DMGDH: variants seen among roughly 807,000 people sequenced by gnomAD.
DMGDH encodes the protein dimethylglycine dehydrogenase, mitochondrial.
In DMGDH, 76 loss-of-function variants were observed where a neutral mutation model predicts 95.2. The ratio of observed to expected loss-of-function variants is 0.80; its 90% confidence interval spans 0.66 to 0.97. The LOEUF is 0.97. Ranked by LOEUF, DMGDH falls within the 50% of genes least tolerant of loss-of-function variation. DMGDH has a pLI of 0.00. For synonymous variants in DMGDH, 345 were observed against 377.6 expected, an observed-to-expected ratio of 0.91 and a Z score of 1.00; for missense variants, 987 against 1,055.0, an observed-to-expected ratio of 0.94 and a Z score of 0.89.
intron 11 of DMGDH, 110 bp from the exon 12 acceptor site, chr5:79,028,760 C>T: frequency 8.2e-7 from 1 of 1,212,832 alleles, no homozygotes; most frequent in Non-Finnish European, 1.2e-6. Context: ...AGAAAGTCCC[C>T]AGAGTGTCAT....
intron 14 of DMGDH, among the ~76,000 whole-genome samples, chr5:79,009,909 C>T (rs988722049): frequency 6.6e-6 from 1 of 152,078 alleles, no homozygotes; most frequent in East Asian, 1.9e-4. Flanking sequence ...AAAATAGGTG[C>T]TTTCAGGATG....
Position 79,033,372 on chromosome 5 carries a change from A to G in DMGDH, c.1230T>C (p.Tyr410=), listed in dbSNP as rs775827900. 1.4e-5 allele frequency: 22 copies of G among 1,614,054 alleles called. No individual in the cohort carries two copies. The East Asian group carries it at 4.9e-4, about 36-fold the overall frequency. Residue 410 remains tyrosine (Y), a synonymous_variant, in exon 8 of 16, where the codon TAT becomes TAC. Transcript: ENST00000255189. ...CTCCATGCAGGATCCAGTCACTGAG[A>G]TATTTCCCTACCCCACCAGCGTGGA... ...GIIHAGGVGK[Y]LSDWILHGEP...
chr5:79,028,325 T>A, intron 12 of DMGDH, 108 bp downstream of exon 12: 2 of 979,192 alleles, frequency 2.0e-6, no homozygotes, highest in Non-Finnish European at 3.1e-6. Flanking sequence ...TGCACATGCA[T>A]ACACACTCAC....
In DMGDH at chr5:79,054,333, G is replaced by T. The variant is rs1031792274; in HGVS notation, c.391C>A (p.Gln131Lys). Reference protein sequence around the residue: ...EETGQVVGFHQPGSIRLATTP... With the variant: ...EETGQVVGFHKPGSIRLATTP... ...GTAGCAAGTCTGATACTACCTGGCTGATGGAATCCCACCACCTGTGACAAT... is the reference window on the plus strand; with the variant it reads ...GTAGCAAGTCTGATACTACCTGGCTTATGGAATCCCACCACCTGTGACAAT... Residue 131 changes from glutamine (Q) to lysine (K), a missense_variant, in exon 4 of 16, where the codon CAG (glutamine) becomes AAG (lysine). Physicochemically the swap from Gln to Lys is moderately conservative, Grantham distance 53. Coordinates refer to ENST00000255189, the MANE Select transcript of DMGDH (RefSeq NM_013391.3). 3 of 1,613,924 alleles carry T rather than the reference G, an allele frequency of 1.9e-6. No individual in the cohort carries two copies. The African/African-American group carries it at 4.0e-5, about 22-fold the overall frequency.
At chr5:79,069,463 TG>T in intron 1 of DMGDH, 56 bp downstream of exon 1, 1 of 1,114,716 alleles carries the variant, frequency 9.0e-7, no homozygotes, top group Non-Finnish European at 1.1e-6. Flanking sequence ...CCTCAGCCTC[TG>T]GCTCCCACCC....
chr5:79,052,229 T>C (rs1224766716), intron 4 of DMGDH, among the ~76,000 whole-genome samples: 1 of 152,240 alleles, frequency 6.6e-6, no homozygotes, highest in African/African-American at 2.4e-5. Context: ...TTGTTGAGGA[T>C]TTTTGTATCT....
chr5:79,021,776 G>C, intron 14 of DMGDH: 2 of 1,212,646 alleles, frequency 1.6e-6, no homozygotes, highest in Non-Finnish European at 2.2e-6. Context: ...TGTTACCAGA[G>C]AGAGAAATTC....
At chr5:79,058,962 C>G (rs537729341) in intron 2 of DMGDH, among the ~76,000 whole-genome samples, 5 of 152,300 alleles carry the variant, frequency 3.3e-5, no homozygotes, top group African/African-American at 1.2e-4. Flanking sequence ...GTCAAACCAT[C>G]CTATATTCCA....
At chr5:79,022,961 G>A (rs1753903896) in intron 14 of DMGDH, among the ~76,000 whole-genome samples, 1 of 152,202 alleles carries the variant, frequency 6.6e-6, no homozygotes, top group Non-Finnish European at 1.5e-5. Context: ...GCTAGGGTCT[G>A]CCCAAATTCC....
At chr5:79,058,417 A>G (rs1413645970) in intron 2 of DMGDH, among the ~76,000 whole-genome samples, 1 of 152,232 alleles carries the variant, frequency 6.6e-6, no homozygotes, top group Non-Finnish European at 1.5e-5. Context: ...TTCAACGAGG[A>G]CATATTAAAT....
intron 5 of DMGDH, among the ~76,000 whole-genome samples, chr5:79,050,273 A>ATATATATAT (rs1389866153): frequency 4.8e-5 from 1 of 20,934 alleles, no homozygotes; most frequent in Non-Finnish European, 9.3e-5. Context: ...AAAAAAAAAA[A>ATATATATAT]ATATATATAT....
Position 79,020,960 on chromosome 5 carries a change from T to G in DMGDH, c.2250+3311A>C, listed in dbSNP as rs1580191644. ...GACTCCATCCAAAGGCAGCTGATTT[T>G]CCTTTTGCTCTTGATTAATGCATTT... On this transcript the variant is annotated intron_variant, in intron 14 of 15. Transcript: ENST00000255189. 3 of 985,424 alleles carry G rather than the reference T, an allele frequency of 3.0e-6. No individual in the cohort carries two copies. In the South Asian group the frequency reaches 1.4e-4, roughly 46 times the overall value. 61.0% of individuals were successfully genotyped at this position (985,424 alleles called of 1,614,324 possible). A position where few individuals can be genotyped will look rare whatever the true frequency, so the allele number is the denominator to read the frequency against.
intron 14 of DMGDH, among the ~76,000 whole-genome samples, chr5:79,013,546 C>T (rs1490771262): frequency 1.3e-5 from 2 of 152,188 alleles, no homozygotes; most frequent in East Asian, 1.9e-4. Flanking sequence ...ATAGCAATAT[C>T]CCACTCCTCT....
intron 5 of DMGDH, among the ~76,000 whole-genome samples, chr5:79,050,265 AAAAAAAAAAT>A (rs1234859931): frequency 1.9e-5 from 1 of 52,656 alleles, no homozygotes; most frequent in African/African-American, 7.8e-5. Flanking sequence ...AAAAAAAAAA[AAAAAAAAAAT>A]ATATATATAT....
chr5:79,056,968 T>C (rs2112666909), intron 2 of DMGDH, among the ~76,000 whole-genome samples: 1 of 152,330 alleles, frequency 6.6e-6, no homozygotes, highest in Non-Finnish European at 1.5e-5. Flanking sequence ...AGGATCTTCT[T>C]TGACCCAGTC....
intron 15 of DMGDH, among the ~76,000 whole-genome samples, chr5:79,003,818 G>C (rs959822737): frequency 9.9e-5 from 15 of 152,062 alleles, no homozygotes; most frequent in African/African-American, 3.6e-4. Flanking sequence ...ATGGTGGCAC[G>C]CACCTGTAAA....
intron 1 of DMGDH, among the ~76,000 whole-genome samples, chr5:79,068,805 T>A (rs910339065): frequency 1.3e-5 from 2 of 152,164 alleles, no homozygotes; most frequent in African/African-American, 4.8e-5. Flanking sequence ...TTTTTACCTA[T>A]CAGATTTAGC....
intron 1 of DMGDH, among the ~76,000 whole-genome samples, chr5:79,068,570 A>G (rs1011427466): frequency 1.3e-5 from 2 of 152,196 alleles, no homozygotes; most frequent in African/African-American, 4.8e-5. Context: ...CACCCAGTAA[A>G]TATTTGTTGA....
chr5:79,015,327 C>T (rs888759107), intron 14 of DMGDH, among the ~76,000 whole-genome samples: 21 of 152,146 alleles, frequency 1.4e-4, no homozygotes, highest in Non-Finnish European at 2.9e-4. Flanking sequence ...GCCTTCTCTC[C>T]ACTGGATTTA....
Sources: allele counts gnomAD v4.1 joint callset (sites outside exome capture counted in the v4.1 genomes callset), GRCh38; gene constraint gnomAD v4.1.1; transcripts MANE v1.5; gene names NCBI Gene and HGNC (gene_info 2026-07-23, HGNC 2026-07-21).